MYCBPAP: variants seen among roughly 807,000 people sequenced by gnomAD.
The protein encoded by MYCBPAP is MYCBP associated protein.
Under a neutral mutation model 106.1 loss-of-function variants are expected in MYCBPAP, and 60 were observed. The observed-to-expected ratio is 0.57, with a 90% CI of 0.46 to 0.70. MYCBPAP has a LOEUF of 0.70. MYCBPAP is among the 30% of genes least tolerant of loss of function. MYCBPAP has a pLI of 0.00. For synonymous variants in MYCBPAP, 407 were observed against 440.6 expected, an observed-to-expected ratio of 0.92 and a Z score of 0.95; for missense variants, 1,064 against 1,169.3, an observed-to-expected ratio of 0.91 and a Z score of 1.31.
chr17:50,512,231 T>C (rs1361430000), intron 1 of MYCBPAP, among the ~76,000 whole-genome samples: 1 of 152,142 alleles, frequency 6.6e-6, no homozygotes, highest in African/African-American at 2.4e-5. Flanking sequence ...TATTTTTGTA[T>C]TTTTAGTAGA....
In MYCBPAP at chr17:50,524,179, A is replaced by G. The variant is rs192107207; in HGVS notation, c.1635+395A>G. On this transcript the variant is annotated intron_variant, in intron 12 of 18. Transcript: ENST00000323776. ...CAAAACCAGGGAGAATAATTAATTA[A>G]TACATAGCAGCATGAGTCTGCCCAC... is the stretch of plus-strand genomic sequence containing the variant. Among the ~76,000 whole-genome samples the G allele has an allele frequency of 3.9e-4, 60 of 152,352 alleles. 1 individual carries two copies. The highest frequency in any genetic ancestry group is 1.4e-3 in the African/African-American group (59 of 41,574).
At position 50,528,285 on chromosome 17, in the gene MYCBPAP, A is replaced by G; in HGVS notation, c.2407+15A>G. 1.3e-6 allele frequency: 2 copies of G among 1,589,912 alleles called. No homozygotes were observed. Among genetic ancestry groups the G allele is most frequent in the Non-Finnish European group, 1.7e-6 (2 of 1,160,288 alleles). On this transcript the variant is annotated intron_variant, in intron 16 of 18. Coordinates refer to ENST00000323776, the MANE Select transcript of MYCBPAP (RefSeq NM_032133.6). ...TGAAGAGCAAGGTCAGATCTTGTGC[A>G]ACCAACCACACCTCTGCATAGCCCT...
At chr17:50,513,351 C>T (rs1398937295) in intron 1 of MYCBPAP, among the ~76,000 whole-genome samples, 6 of 151,658 alleles carry the variant, frequency 4.0e-5, no homozygotes, top group East Asian at 1.9e-4. Flanking sequence ...CACACCACTG[C>T]ACTCCAGCCT....
At chr17:50,521,854 C>A in intron 9 of MYCBPAP, 119 bp from the exon 10 acceptor site, 1 of 832,678 alleles carries the variant, frequency 1.2e-6, no homozygotes, top group Non-Finnish European at 2.0e-6. Context: ...GTTGATCATA[C>A]TCCATTGCAG....
At chr17:50,518,514 T>C (rs764436649) in intron 4 of MYCBPAP, 27 bp from the exon 5 acceptor site, 3 of 1,527,694 alleles carry the variant, frequency 2.0e-6, no homozygotes, top group Non-Finnish European at 2.6e-6. Context: ...CTTACTGCCC[T>C]CCACATACCT....
In MYCBPAP at chr17:50,525,994, C is replaced by G. The variant is rs1185549776; in HGVS notation, c.1896C>G (p.Pro632=). The change falls in exon 14 of 19, where the codon CCC becomes CCG. Residue 632 remains proline, a synonymous_variant. Coordinates refer to ENST00000323776, the MANE Select transcript of MYCBPAP (RefSeq NM_032133.6). ...ARPGDKEHVS[P]IATEKASVNA... is the part of the protein sequence containing the mutation. ...CAGGGGACAAGGAGCACGTCAGCCC[C>G]ATAGCCACAGAGAAGGCCTCTGTGA... The G allele has an allele frequency of 1.2e-6, 2 of 1,613,924 alleles. No homozygotes were observed.
chr17:50,509,545 T>G, intron 1 of MYCBPAP: 1 of 86,776 alleles, frequency 1.2e-5, no homozygotes, highest in South Asian at 2.3e-4. Flanking sequence ...TCTGTGTGTG[T>G]GTGTGTGTGT....
intron 14 of MYCBPAP, 105 bp downstream of exon 14, chr17:50,526,372 C>G: frequency 1.8e-6 from 2 of 1,110,040 alleles, no homozygotes; most frequent in Non-Finnish European, 2.5e-6. Context: ...GAAACAAAAC[C>G]TGAGAGCCCA....
At position 50,517,330 on chromosome 17, in the gene MYCBPAP, G is replaced by A. The variant is rs61749930; in HGVS notation, c.242G>A (p.Arg81His). 43,221 of 1,613,930 alleles carry A rather than the reference G, an allele frequency of 0.027. 661 individuals are homozygous for A. Among genetic ancestry groups the A allele is most frequent in the Non-Finnish European group, 0.031 (36,494 of 1,179,876 alleles). ...CGCCTTACTGAAAAGGAAGATAAACGTGTCATCACCCAGAAATTTATCATC... is the reference window on the plus strand; with the variant it reads ...CGCCTTACTGAAAAGGAAGATAAACATGTCATCACCCAGAAATTTATCATC... ...IPRLTEKEDK[R>H]VITQKFIIRK... is the part of the protein sequence containing the mutation. Residue 81 changes from arginine to histidine, a missense_variant, in exon 3 of 19, where the codon CGT becomes CAT. Physicochemically the swap from Arg to His is conservative, Grantham distance 29. Coordinates refer to ENST00000323776, the MANE Select transcript of MYCBPAP (RefSeq NM_032133.6).
chr17:50,523,847 G>T, intron 12 of MYCBPAP, 63 bp downstream of exon 12: 1 of 1,488,674 alleles, frequency 6.7e-7, no homozygotes. Flanking sequence ...GTTCTTCCTG[G>T]CAGTGACTGA....
At chr17:50,511,713 C>A (rs902962005) in intron 1 of MYCBPAP, among the ~76,000 whole-genome samples, 1 of 152,140 alleles carries the variant, frequency 6.6e-6, no homozygotes, top group South Asian at 2.1e-4. Context: ...CTGGGTGGCT[C>A]ACTAGGAGCC....
At chr17:50,523,847 G>A in intron 12 of MYCBPAP, 63 bp downstream of exon 12, 1 of 1,488,672 alleles carries the variant, frequency 6.7e-7, no homozygotes, top group Non-Finnish European at 9.1e-7. Context: ...GTTCTTCCTG[G>A]CAGTGACTGA....
chr17:50,512,017 C>T (rs1486157957), intron 1 of MYCBPAP, among the ~76,000 whole-genome samples: 4 of 151,462 alleles, frequency 2.6e-5, no homozygotes, highest in Non-Finnish European at 5.9e-5. Context: ...CTCTCATCCC[C>T]AACATCACCA....
At chr17:50,523,152 G>A in intron 11 of MYCBPAP, 24 bp downstream of exon 11, 1 of 1,605,082 alleles carries the variant, frequency 6.2e-7, no homozygotes, top group Non-Finnish European at 8.5e-7. Flanking sequence ...GCCACCCTAT[G>A]TGCTAGCTCC....
chr17:50,513,949 G>A (rs1185860845), intron 1 of MYCBPAP, among the ~76,000 whole-genome samples: 1 of 152,190 alleles, frequency 6.6e-6, no homozygotes, highest in Non-Finnish European at 1.5e-5. Flanking sequence ...GTGTTTGTGT[G>A]CACAGAGCCA....
chr17:50,513,644 A>G (rs1439097309), intron 1 of MYCBPAP, among the ~76,000 whole-genome samples: 1 of 152,248 alleles, frequency 6.6e-6, no homozygotes. Flanking sequence ...GACACGTGGT[A>G]ATTGTGCACC....
chr17:50,517,888 C>T (rs149856745), intron 4 of MYCBPAP, among the ~76,000 whole-genome samples, 190 bp downstream of exon 4: 1 of 152,200 alleles, frequency 6.6e-6, no homozygotes, highest in Non-Finnish European at 1.5e-5. Context: ...TCAGTGAAGT[C>T]AGGGATTTAC....
intron 13 of MYCBPAP, 81 bp from the exon 14 acceptor site, chr17:50,525,800 T>C: frequency 2.7e-6 from 4 of 1,481,702 alleles, no homozygotes; most frequent in Non-Finnish European, 2.7e-6. Flanking sequence ...CCTTGTACTA[T>C]TTATGTCCTT....
At chr17:50,523,879 C>G in intron 12 of MYCBPAP, 95 bp downstream of exon 12, 1 of 1,249,414 alleles carries the variant, frequency 8.0e-7, no homozygotes, top group Non-Finnish European at 1.1e-6. Flanking sequence ...TTCTCCCAGC[C>G]TAAGAGGAGA....
Sources: allele counts gnomAD v4.1 joint callset (sites outside exome capture counted in the v4.1 genomes callset), GRCh38; gene constraint gnomAD v4.1.1; transcripts MANE v1.5; gene names NCBI Gene and HGNC (gene_info 2026-07-23, HGNC 2026-07-21).